The following AHCYL2 variants were observed in gnomAD, a reference collection of about 807,000 sequenced individuals.
AHCYL2 encodes adenosylhomocysteinase like 2.
AHCYL2 carries 28 observed loss-of-function variants against 81.4 expected under a neutral mutation model. That is an observed-to-expected ratio of 0.34 (90% CI 0.25 to 0.47). AHCYL2 has a LOEUF of 0.47. Ranked by LOEUF, AHCYL2 falls within the 20% of genes least tolerant of loss-of-function variation. The pLI is 1.00. For missense variants in AHCYL2, 551 were observed against 785.1 expected (o/e 0.70, Z 3.56); for synonymous variants, 272 against 290.2 (o/e 0.94, Z 0.64).
At chr7:129,374,238 C>A (rs1369539535) in intron 1 of AHCYL2, among the ~76,000 whole-genome samples, 1 of 152,172 alleles carries the variant, frequency 6.6e-6, no homozygotes, top group Non-Finnish European at 1.5e-5. Context: ...GGAGCTTTGG[C>A]TCTAGCATAA....
intron 1 of AHCYL2, among the ~76,000 whole-genome samples, chr7:129,355,804 T>A (rs1793716591): frequency 6.6e-6 from 1 of 152,200 alleles, no homozygotes; most frequent in Admixed American, 6.5e-5. Flanking sequence ...AAAGATCTGC[T>A]TGCTAATTAT....
intron 1 of AHCYL2, among the ~76,000 whole-genome samples, chr7:129,239,301 G>A (rs773688621): frequency 2.0e-5 from 3 of 152,178 alleles, no homozygotes; most frequent in Non-Finnish European, 4.4e-5. Context: ...GAGCTTGTGA[G>A]ATATGAACAA....
chr7:129,233,055 G>C (rs1794503985), intron 1 of AHCYL2, among the ~76,000 whole-genome samples: 1 of 152,150 alleles, frequency 6.6e-6, no homozygotes, highest in Non-Finnish European at 1.5e-5. Flanking sequence ...CAGCAAATTA[G>C]ACAGATCAGT....
At chr7:129,261,725 A>G (rs1795651078) in intron 1 of AHCYL2, among the ~76,000 whole-genome samples, 2 of 152,168 alleles carry the variant, frequency 1.3e-5, no homozygotes, top group South Asian at 2.1e-4. Flanking sequence ...GAAAATTAAA[A>G]TTGCACTTTA....
At chr7:129,261,198 A>G (rs996972198) in intron 1 of AHCYL2, among the ~76,000 whole-genome samples, 1 of 152,198 alleles carries the variant, frequency 6.6e-6, no homozygotes, top group Non-Finnish European at 1.5e-5. Flanking sequence ...ATATGTTCAG[A>G]TATTTGATCT....
At chr7:129,376,194 AG>A (rs1794680223) in intron 1 of AHCYL2, among the ~76,000 whole-genome samples, 1 of 152,160 alleles carries the variant, frequency 6.6e-6, no homozygotes, top group Admixed American at 6.5e-5. Context: ...GAATCTACTA[AG>A]GTACCACAAT....
chr7:129,403,733 C>T (rs748290066), intron 7 of AHCYL2, among the ~76,000 whole-genome samples: 2 of 151,432 alleles, frequency 1.3e-5, no homozygotes, highest in Non-Finnish European at 1.5e-5. Flanking sequence ...GTGTGGTGGG[C>T]GCCTGTGGTC....
intron 1 of AHCYL2, among the ~76,000 whole-genome samples, chr7:129,243,240 G>A (rs1794929843): frequency 6.6e-6 from 1 of 151,656 alleles, no homozygotes; most frequent in Non-Finnish European, 1.5e-5. Flanking sequence ...GGCCAGGCTG[G>A]TTTTGAGCTC....
intron 1 of AHCYL2, among the ~76,000 whole-genome samples, chr7:129,255,566 A>G (rs1432022677): frequency 1.3e-5 from 2 of 151,566 alleles, no homozygotes; most frequent in Non-Finnish European, 2.9e-5. Context: ...ATTTACATGA[A>G]TGTGTGTGTG....
chr7:129,263,720 GAT>G (rs933623325), intron 1 of AHCYL2, among the ~76,000 whole-genome samples: 1 of 152,226 alleles, frequency 6.6e-6, no homozygotes, highest in Non-Finnish European at 1.5e-5. Context: ...ATTTTAGCAA[GAT>G]TACTTCAGAT....
chr7:129,244,294 GTGCCTGGCCTTATTTTA>G (rs1794972965), intron 1 of AHCYL2, among the ~76,000 whole-genome samples: 1 of 151,722 alleles, frequency 6.6e-6, no homozygotes, highest in Admixed American at 6.6e-5. Context: ...ATGAGCCACT[GTGCCTGGCCTTATTTTA>G]TTTTCCATAT....
At chr7:129,333,535 A>G (rs1798493984) in intron 1 of AHCYL2, among the ~76,000 whole-genome samples, 2 of 152,262 alleles carry the variant, frequency 1.3e-5, no homozygotes, top group Middle Eastern at 3.4e-3. Context: ...CTTAAATTAT[A>G]AATATTGATT....
At chr7:129,310,528 A>T (rs1306164015) in intron 1 of AHCYL2, among the ~76,000 whole-genome samples, 2 of 152,234 alleles carry the variant, frequency 1.3e-5, no homozygotes, top group Admixed American at 1.3e-4. Flanking sequence ...GTGGTATTCC[A>T]AAAAGAAGAG....
chr7:129,327,657 G>A (rs1459680773), intron 1 of AHCYL2, among the ~76,000 whole-genome samples: 1 of 152,106 alleles, frequency 6.6e-6, no homozygotes, highest in Non-Finnish European at 1.5e-5. Flanking sequence ...GTAGAGACGA[G>A]GTTTTACCAT....
intron 1 of AHCYL2, among the ~76,000 whole-genome samples, chr7:129,320,692 T>C (rs1797984171): frequency 6.6e-6 from 1 of 152,210 alleles, no homozygotes; most frequent in Non-Finnish European, 1.5e-5. Context: ...GTTTTTAGTA[T>C]ATTCACAAGG....
intron 1 of AHCYL2, among the ~76,000 whole-genome samples, chr7:129,234,131 C>T (rs921749086): frequency 2.0e-5 from 3 of 152,004 alleles, no homozygotes. Flanking sequence ...GCTCATTGCA[C>T]CCTCAACCTC....
chr7:129,403,729 T>C (rs1459212406), intron 7 of AHCYL2, among the ~76,000 whole-genome samples: 2 of 151,424 alleles, frequency 1.3e-5, no homozygotes, highest in East Asian at 1.9e-4. Context: ...CCTGGTGTGG[T>C]GGGCGCCTGT....
intron 1 of AHCYL2, among the ~76,000 whole-genome samples, chr7:129,335,497 TTAAAG>T (rs1798569125): frequency 6.6e-6 from 1 of 152,210 alleles, no homozygotes; most frequent in Non-Finnish European, 1.5e-5. Flanking sequence ...ATTTAGGGGC[TTAAAG>T]TAATCGTTTA....
At chr7:129,305,551 T>C (rs1797410553) in intron 1 of AHCYL2, among the ~76,000 whole-genome samples, 1 of 152,228 alleles carries the variant, frequency 6.6e-6, no homozygotes, top group South Asian at 2.1e-4. Context: ...TTATATCTTA[T>C]TGTACTGTGT....
Sources: allele counts gnomAD v4.1 joint callset (sites outside exome capture counted in the v4.1 genomes callset), GRCh38; gene constraint gnomAD v4.1.1; transcripts MANE v1.5; gene names NCBI Gene and HGNC (gene_info 2026-07-23, HGNC 2026-07-21).